The following TSPAN3 variants were observed in gnomAD, a reference collection of about 807,000 sequenced individuals.
TSPAN3 encodes the protein tetraspanin-3.
Under a neutral mutation model 31.1 loss-of-function variants are expected in TSPAN3, and 9 were observed. That is an observed-to-expected ratio of 0.29 (90% CI 0.17 to 0.50). The LOEUF is 0.50. Among genes scored for constraint, TSPAN3 ranks in the 20% least tolerant of loss-of-function variants. The pLI, the probability that TSPAN3 is intolerant of heterozygous loss-of-function variation, is 0.98. For missense variants in TSPAN3, 252 were observed against 313.5 expected (o/e 0.80, Z 1.48); for synonymous variants, 129 against 114.3 (o/e 1.13, Z -0.82).
chr15:77,061,045 T>C (rs1318332885), intron 1 of TSPAN3, among the ~76,000 whole-genome samples: 2 of 152,250 alleles, frequency 1.3e-5, no homozygotes, highest in African/African-American at 2.4e-5. Context: ...TTATAAAATT[T>C]TGCAAGTATA....
intron 1 of TSPAN3, among the ~76,000 whole-genome samples, chr15:77,068,728 C>T (rs1034351373): frequency 1.3e-5 from 2 of 152,138 alleles, no homozygotes; most frequent in Admixed American, 6.5e-5. Context: ...TAAGTGAGAA[C>T]ACACGGTGCT....
At chr15:77,070,767 C>T in intron 1 of TSPAN3, 125 bp downstream of exon 1, 1 of 363,018 alleles carries the variant, frequency 2.8e-6, no homozygotes, top group Non-Finnish European at 3.8e-6. Flanking sequence ...TCGCCTCAGC[C>T]GCCTGAGGGC....
chr15:77,047,208 G>C (rs568158801), intron 6 of TSPAN3, among the ~76,000 whole-genome samples: 1 of 152,214 alleles, frequency 6.6e-6, no homozygotes, highest in African/African-American at 2.4e-5. Context: ...AGTGCTGTCC[G>C]AAAGAACTTT....
chr15:77,060,089 C>A (rs2076791689), intron 1 of TSPAN3, among the ~76,000 whole-genome samples: 1 of 152,140 alleles, frequency 6.6e-6, no homozygotes, highest in African/African-American at 2.4e-5. Context: ...ATAGACTCTA[C>A]AACAGTTTTT....
chr15:77,070,903 G>C lies in TSPAN3; in HGVS notation c.52C>G (p.Leu18Val). ...SSKTVLVFLNLIFWGAAGILC... is the reference protein window; with the variant it reads ...SSKTVLVFLNVIFWGAAGILC... Reference sequence around the variant, plus strand: ...CCGGCCCCGCTCACCCAGAAGATGAGGTTGAGAAAGACCAGCACGGTCTTG... The same window carrying C: ...CCGGCCCCGCTCACCCAGAAGATGACGTTGAGAAAGACCAGCACGGTCTTG... The change falls in exon 1 of 7, where the codon CTC becomes GTC. Residue 18 changes from leucine to valine, a missense_variant. Coordinates refer to ENST00000267970, the MANE Select transcript of TSPAN3 (RefSeq NM_005724.6). 1 of 1,421,136 alleles carries C rather than the reference G, an allele frequency of 7.0e-7. No homozygotes were observed. Among genetic ancestry groups the C allele is most frequent in the Non-Finnish European group, 9.3e-7 (1 of 1,076,340 alleles). The allele number at this position is 1,421,136 out of a possible 1,614,324, so 88.0% of individuals were successfully genotyped here.
chr15:77,046,862 G>C lies in TSPAN3; in HGVS notation c.735C>G (p.Leu245=). Residue 245 remains leucine (L), a synonymous_variant, in exon 7 of 7, where the codon CTC becomes CTG. Coordinates refer to ENST00000267970, the MANE Select transcript of TSPAN3 (RefSeq NM_005724.6). ...CRRSRDPAYE[L]LITGGTYA The stretch of plus-strand genomic sequence containing the variant: ...ATGCATAGGTTCCGCCAGTGATGAG[G>C]AGCTCGTAAGCAGGATCTCTACTCC... The C allele has an allele frequency of 1.8e-5, 29 of 1,594,242 alleles. No homozygotes were observed. Among genetic ancestry groups the C allele is most frequent in the Non-Finnish European group, 2.5e-5 (29 of 1,167,924 alleles).
chr15:77,070,458 AC>A (rs1292825611), intron 1 of TSPAN3, among the ~76,000 whole-genome samples: 1 of 151,924 alleles, frequency 6.6e-6, no homozygotes, highest in African/African-American at 2.4e-5. Flanking sequence ...CCGCCTCGGG[AC>A]GGCCACTCGT....
Position 77,041,998 on chromosome 15 carries a change from C to G in TSPAN3, c.*4837G>C, listed in dbSNP as rs1299929660. ...GCCTGCAGGCCTGCCCTTTATACACCTTGGTTAATCATGGTACTAATGTAC... is the reference window on the plus strand; with the variant it reads ...GCCTGCAGGCCTGCCCTTTATACACGTTGGTTAATCATGGTACTAATGTAC... On this transcript the variant is annotated 3_prime_UTR_variant, in exon 7 of 7. Transcript: ENST00000267970. 6.6e-6 allele frequency: 1 copy of G among 152,194 alleles called. No homozygotes were observed. Among genetic ancestry groups the G allele is most frequent in the Non-Finnish European group, 1.5e-5 (1 of 68,042 alleles). The allele number at this position is 152,194 out of a possible 1,614,324, so 9.4% of individuals were successfully genotyped here.
intron 6 of TSPAN3, among the ~76,000 whole-genome samples, chr15:77,047,826 T>C (rs1596156438): frequency 6.6e-6 from 1 of 152,224 alleles, no homozygotes; most frequent in East Asian, 1.9e-4. Flanking sequence ...AAGCCTCAGT[T>C]ATTTGATTTT....
intron 1 of TSPAN3, among the ~76,000 whole-genome samples, chr15:77,058,192 AG>A (rs1419603056): frequency 1.3e-5 from 2 of 152,170 alleles, no homozygotes; most frequent in Non-Finnish European, 1.5e-5. Flanking sequence ...TTATACTACC[AG>A]GGTTATATTT....
At chr15:77,063,009 A>C (rs533877135) in intron 1 of TSPAN3, among the ~76,000 whole-genome samples, 2 of 152,324 alleles carry the variant, frequency 1.3e-5, no homozygotes, top group South Asian at 4.1e-4. Flanking sequence ...TCTTCTTTAA[A>C]ATATATTACT....
At chr15:77,052,165 G>A (rs1465851853) in intron 6 of TSPAN3, among the ~76,000 whole-genome samples, 1 of 152,146 alleles carries the variant, frequency 6.6e-6, no homozygotes, top group East Asian at 1.9e-4. Flanking sequence ...CCCTCAACAC[G>A]TGGTCCCTCC....
intron 1 of TSPAN3, among the ~76,000 whole-genome samples, chr15:77,068,859 G>C (rs1392149772): frequency 6.6e-6 from 1 of 152,052 alleles, no homozygotes; most frequent in Non-Finnish European, 1.5e-5. Flanking sequence ...GTGTATATGT[G>C]CCGCATTTTC....
intron 1 of TSPAN3, among the ~76,000 whole-genome samples, chr15:77,061,055 A>G (rs1382045073): frequency 6.6e-6 from 1 of 152,252 alleles, no homozygotes; most frequent in East Asian, 1.9e-4. Context: ...TTGCAAGTAT[A>G]TGAGTTCCAA....
At position 77,043,549 on chromosome 15, in the gene TSPAN3, C is replaced by T. The variant is rs11636648; in HGVS notation, c.*3286G>A. 74,514 of 152,054 alleles carry T rather than the reference C, an allele frequency of 0.49. 21,960 individuals carry two copies. Among genetic ancestry groups the T allele is most frequent in the Middle Eastern group, 0.69 (203 of 294 alleles). The allele number at this position is 152,054 out of a possible 1,614,324, so 9.4% of individuals were successfully genotyped here. A position where few individuals can be genotyped will look rare whatever the true frequency, so the allele number is the denominator to read the frequency against. On this transcript the variant is annotated 3_prime_UTR_variant, in exon 7 of 7. Transcript: ENST00000267970. ...AAACCAAATCTAATCACGAGGAAAT[C>T]GCAGACAAACACAGATAAGCAGCAC...
At chr15:77,070,416 G>T (rs1055411595) in intron 1 of TSPAN3, among the ~76,000 whole-genome samples, 13 of 152,192 alleles carry the variant, frequency 8.5e-5, no homozygotes, top group African/African-American at 3.1e-4. Flanking sequence ...TGGAACCCCC[G>T]CCCCGGCTCC....
chr15:77,052,938 G>A lies in TSPAN3; in HGVS notation c.433-9C>T. On this transcript the variant is annotated splice_polypyrimidine_tract_variant and intron_variant, in intron 4 of 6. Coordinates refer to ENST00000267970, the MANE Select transcript of TSPAN3 (RefSeq NM_005724.6). The stretch of plus-strand genomic sequence containing the variant: ...ATTCCACAACAATGCAGCTAAAGGA[G>A]AAGAGAATAAGTATTATTTCTCACA... 5 of 1,610,308 alleles carry A rather than the reference G, an allele frequency of 3.1e-6. No individual in the cohort carries two copies. The highest frequency in any genetic ancestry group is 4.2e-6 in the Non-Finnish European group (5 of 1,177,798).
intron 1 of TSPAN3, among the ~76,000 whole-genome samples, chr15:77,067,474 A>T (rs1275089861): frequency 6.6e-6 from 1 of 152,228 alleles, no homozygotes; most frequent in African/African-American, 2.4e-5. Context: ...AAAGCAATTA[A>T]ACTTTGACCC....
intron 1 of TSPAN3, among the ~76,000 whole-genome samples, chr15:77,058,303 G>C (rs2076780708): frequency 1.3e-5 from 2 of 152,118 alleles, no homozygotes; most frequent in Admixed American, 6.5e-5. Flanking sequence ...TTCAGCCCCA[G>C]ATCTCATTAC....
Sources: gnomAD v4.1 joint callset for allele counts (sites outside exome capture counted in the v4.1 genomes callset) on GRCh38, gnomAD v4.1.1 for gene constraint, MANE v1.5 for transcripts, NCBI Gene and HGNC (gene_info 2026-07-23, HGNC 2026-07-21) for gene names.